Variants in STK26 observed in about 807,000 individuals in gnomAD.
STK26 encodes serine/threonine kinase 26, also known as serine/threonine-protein kinase 26.
In STK26, 14 loss-of-function variants were observed where a neutral mutation model predicts 34.7. That is an observed-to-expected ratio of 0.40 (90% CI 0.27 to 0.63). STK26 has a LOEUF of 0.63. STK26 is among the 30% of genes least tolerant of loss of function. The pLI is 0.38. For missense variants in STK26, 226 were observed against 309.1 expected, an observed-to-expected ratio of 0.73 and a Z score of 2.02; for synonymous variants, 100 against 109.8, an observed-to-expected ratio of 0.91 and a Z score of 0.56.
intron 2 of STK26, among the ~76,000 whole-genome samples, chrX:132,039,322 T>C (rs765982209): frequency 1.8e-5 from 2 of 111,862 alleles, no homozygotes; most frequent in African/African-American, 6.5e-5. Context: ...TATGGCCAAG[T>C]GGTTCCAGAG....
chrX:132,047,004 A>G (rs1247669070), intron 2 of STK26, among the ~76,000 whole-genome samples: 1 of 112,384 alleles, frequency 8.9e-6, no homozygotes, highest in African/African-American at 3.2e-5. Context: ...TTGAGCCCTT[A>G]TAAATATGGA....
intron 3 of STK26, chrX:132,055,512 C>A (rs1926827852): frequency 1.7e-6 from 2 of 1,150,454 alleles, no homozygotes; most frequent in African/African-American, 3.6e-5. Flanking sequence ...TACTACATAG[C>A]AGAAAACTGG....
Position 132,035,926 on chromosome X carries a change from A to T in STK26, c.42+12267A>T, listed in dbSNP as rs191723755. On this transcript the variant is annotated intron_variant, in intron 2 of 11. Transcript: ENST00000394334. ...AGCCAATTTGTATTTATATATGTAA[A>T]TTCCTGGAAGGGAGAGGAAGTTACT... 1.7e-3 allele frequency among the ~76,000 whole-genome samples: 185 copies of T among 110,078 alleles called. 1 individual carries two copies. The highest frequency in any genetic ancestry group is 0.015 in the Admixed American group (158 of 10,268).
chrX:132,053,783 T>C (rs1175512929), intron 2 of STK26, among the ~76,000 whole-genome samples: 2 of 112,074 alleles, frequency 1.8e-5, no homozygotes, highest in East Asian at 5.6e-4. Flanking sequence ...TGAATTTAAG[T>C]AAGTATATAA....
intron 3 of STK26, among the ~76,000 whole-genome samples, chrX:132,058,406 G>A (rs1926934069): frequency 9.0e-6 from 1 of 110,786 alleles, no homozygotes; most frequent in African/African-American, 3.3e-5. Context: ...CACTATTTTT[G>A]GTTGCTGACC....
At chrX:132,062,594 A>G (rs945084120) in intron 3 of STK26, among the ~76,000 whole-genome samples, 1 of 112,206 alleles carries the variant, frequency 8.9e-6, no homozygotes, top group Admixed American at 9.5e-5. Context: ...CGTAGCTGAT[A>G]AAAGTTTGAA....
intron 2 of STK26, among the ~76,000 whole-genome samples, chrX:132,032,960 T>G (rs1602743950): frequency 9.0e-6 from 1 of 111,695 alleles, no homozygotes; most frequent in East Asian, 2.8e-4. Context: ...AAATGCATTT[T>G]TGAGTTGCTC....
intron 2 of STK26, among the ~76,000 whole-genome samples, chrX:132,043,952 A>G (rs1421337777): frequency 8.9e-6 from 1 of 112,123 alleles, no homozygotes; most frequent in Non-Finnish European, 1.9e-5. Context: ...GTGACTTCGC[A>G]AAGTTTTTAT....
intron 2 of STK26, among the ~76,000 whole-genome samples, chrX:132,039,013 T>C (rs1235519922): frequency 4.5e-5 from 5 of 111,396 alleles, no homozygotes; most frequent in Non-Finnish European, 7.6e-5. Context: ...GTCTTTATGC[T>C]TAAAACAAAC....
chrX:132,052,087 A>G lies in STK26; in HGVS notation c.43-2544A>G, dbSNP rs143045948. On this transcript the variant is annotated intron_variant, in intron 2 of 11. Transcript: ENST00000394334. ...TGACTTTTCTTAGAGGTTCCAAAGA[A>G]TGATGGGAATGATTAGGCAAACTAG... Among the ~76,000 whole-genome samples the G allele has an allele frequency of 5.0e-3, 548 of 110,555 alleles. 3 individuals are homozygous for G. Among genetic ancestry groups the G allele is most frequent in the African/African-American group, 0.015 (460 of 30,411 alleles).
chrX:132,070,889 G>A (rs1212930727), intron 7 of STK26, among the ~76,000 whole-genome samples, 180 bp from the exon 8 acceptor site: 4 of 112,830 alleles, frequency 3.5e-5, no homozygotes, highest in African/African-American at 1.3e-4. Context: ...CAATGTGGTT[G>A]CCTTGAGCCA....
Position 132,074,250 on chromosome X carries a change from T to C in STK26, c.*91T>C. The C allele has an allele frequency of 4.4e-6, 4 of 911,460 alleles. No homozygotes were observed. Among genetic ancestry groups the C allele is most frequent in the Middle Eastern group, 2.8e-4 (1 of 3,556 alleles). The allele number at this position is 911,460 out of a possible 1,213,427, so 75.1% of individuals were successfully genotyped here. On this transcript the variant is annotated 3_prime_UTR_variant, in exon 12 of 12. Coordinates refer to ENST00000394334, the MANE Select transcript of STK26 (RefSeq NM_016542.4). ...AACAATGCTTAACCCATGAGCTCCA[T>C]GTGCCTTTTGGATCTTTGCAACACT...
At chrX:132,026,084 A>G (rs1434526084) in intron 2 of STK26, among the ~76,000 whole-genome samples, 2 of 112,004 alleles carry the variant, frequency 1.8e-5, no homozygotes, top group Non-Finnish European at 3.8e-5. Flanking sequence ...GATGGGAAAA[A>G]TGATTTTTCC....
At chrX:132,048,632 T>C (rs1452910948) in intron 2 of STK26, among the ~76,000 whole-genome samples, 1 of 112,048 alleles carries the variant, frequency 8.9e-6, no homozygotes, top group Non-Finnish European at 1.9e-5. Context: ...ATCTCAAAGA[T>C]TATCTAATTC....
chrX:132,063,590 G>T (rs933545131), intron 4 of STK26, 101 bp downstream of exon 4: 4 of 732,004 alleles, frequency 5.5e-6, no homozygotes, highest in African/African-American at 4.3e-5. Flanking sequence ...CACGCTAAGT[G>T]GTTGCTTTAG....
chrX:132,069,441 ATATATATATATT>A (rs1372645144), intron 6 of STK26, 25 bp from the exon 7 acceptor site: 2 of 141,084 alleles, frequency 1.4e-5, no homozygotes, highest in African/African-American at 5.0e-5. Flanking sequence ...ATATATATAT[ATATATATATATT>A]ATTTTCTTTT....
At chrX:132,050,589 A>G (rs1039119113) in intron 2 of STK26, among the ~76,000 whole-genome samples, 2 of 112,073 alleles carry the variant, frequency 1.8e-5, no homozygotes, top group Non-Finnish European at 3.8e-5. Context: ...GGTTGAAAAT[A>G]AATTCGTGTG....
At chrX:132,065,265 T>C (rs1927182776) in intron 4 of STK26, among the ~76,000 whole-genome samples, 1 of 112,223 alleles carries the variant, frequency 8.9e-6, no homozygotes, top group Non-Finnish European at 1.9e-5. Flanking sequence ...CACAGAGTCA[T>C]ATTATTCAAT....
chrX:132,040,224 T>A (rs763920655), intron 2 of STK26, among the ~76,000 whole-genome samples: 1 of 113,056 alleles, frequency 8.8e-6, no homozygotes, highest in Admixed American at 9.3e-5. Context: ...GGTTTGCCGA[T>A]CCCTGCCTTG....
Sources: gnomAD v4.1 joint callset for allele counts (sites outside exome capture counted in the v4.1 genomes callset) on GRCh38, gnomAD v4.1.1 for gene constraint, MANE v1.5 for transcripts, NCBI Gene and HGNC (gene_info 2026-07-23, HGNC 2026-07-21) for gene names.